The following ELOVL6 variants were observed in gnomAD, a reference collection of about 807,000 sequenced individuals.
ELOVL6 encodes the protein ELOVL fatty acid elongase 6.
In ELOVL6, 8 loss-of-function variants were observed where a neutral mutation model predicts 31.7. That is an observed-to-expected ratio of 0.25 (90% CI 0.15 to 0.45). The LOEUF (loss-of-function observed/expected upper bound fraction) is 0.45, where lower values mean the gene tolerates loss of function less well. Ranked by LOEUF, ELOVL6 falls within the 20% of genes least tolerant of loss-of-function variation. ELOVL6 has a pLI of 1.00. For synonymous variants in ELOVL6, 101 were observed against 117.7 expected, an observed-to-expected ratio of 0.86 and a Z score of 0.92; for missense variants, 126 against 326.4, an observed-to-expected ratio of 0.39 and a Z score of 4.73.
At chr4:110,081,133 G>C (rs1448022607) in intron 2 of ELOVL6, among the ~76,000 whole-genome samples, 1 of 152,104 alleles carries the variant, frequency 6.6e-6, no homozygotes, top group Non-Finnish European at 1.5e-5. Context: ...CTCATGGGTA[G>C]GAAGAATCAA....
chr4:110,092,594 CAG>C, intron 2 of ELOVL6, among the ~76,000 whole-genome samples: 1 of 152,254 alleles, frequency 6.6e-6, no homozygotes, highest in South Asian at 2.1e-4. Flanking sequence ...TGAGAACGAC[CAG>C]AGAAGAAAAG....
chr4:110,118,679 C>T (rs1050452100), intron 1 of ELOVL6, among the ~76,000 whole-genome samples: 4 of 152,156 alleles, frequency 2.6e-5, no homozygotes, highest in Admixed American at 6.5e-5. Flanking sequence ...ATGTTGGCTG[C>T]TGTGAATAAT....
At chr4:110,092,144 T>C (rs1756445225) in intron 2 of ELOVL6, among the ~76,000 whole-genome samples, 2 of 152,224 alleles carry the variant, frequency 1.3e-5, no homozygotes, top group South Asian at 4.1e-4. Context: ...CTAGTAGCTC[T>C]GGCTAACAAG....
chr4:110,145,989 G>A (rs1452223583), intron 1 of ELOVL6, among the ~76,000 whole-genome samples: 1 of 151,842 alleles, frequency 6.6e-6, no homozygotes, highest in Non-Finnish European at 1.5e-5. Flanking sequence ...CACAAAATTG[G>A]AAAAAAACTA....
At chr4:110,096,299 C>T (rs187188712) in intron 2 of ELOVL6, among the ~76,000 whole-genome samples, 2 of 152,206 alleles carry the variant, frequency 1.3e-5, no homozygotes, top group Non-Finnish European at 2.9e-5. Flanking sequence ...GTTAAAAATT[C>T]CATCTTACTT....
At chr4:110,054,193 C>T (rs1754914954) in intron 3 of ELOVL6, among the ~76,000 whole-genome samples, 1 of 152,206 alleles carries the variant, frequency 6.6e-6, no homozygotes, top group Admixed American at 6.5e-5. Flanking sequence ...GTCATCTTCT[C>T]TCTTGCAAGA....
intron 2 of ELOVL6, among the ~76,000 whole-genome samples, chr4:110,073,584 T>C (rs1334866184): frequency 6.6e-6 from 1 of 152,212 alleles, no homozygotes; most frequent in African/African-American, 2.4e-5. Flanking sequence ...ATTTTCCTAA[T>C]GGCCTCATAG....
intron 1 of ELOVL6, among the ~76,000 whole-genome samples, chr4:110,141,717 A>G (rs1027744866): frequency 1.4e-5 from 2 of 147,154 alleles, no homozygotes; most frequent in African/African-American, 5.0e-5. Flanking sequence ...ATTAGCATAT[A>G]TATACTAATT....
intron 1 of ELOVL6, among the ~76,000 whole-genome samples, chr4:110,195,001 C>A (rs973515800): frequency 1.3e-5 from 2 of 152,162 alleles, no homozygotes; most frequent in Non-Finnish European, 2.9e-5. Context: ...GAAGCTATTT[C>A]AAACCATTTT....
At chr4:110,052,321 A>AT (rs1293160884) in intron 3 of ELOVL6, among the ~76,000 whole-genome samples, 1 of 152,222 alleles carries the variant, frequency 6.6e-6, no homozygotes, top group Admixed American at 6.5e-5. Context: ...CCTCAAACAT[A>AT]TATCTTTGTG....
intron 1 of ELOVL6, among the ~76,000 whole-genome samples, chr4:110,126,516 C>T (rs531457600): frequency 6.6e-6 from 1 of 152,124 alleles, no homozygotes; most frequent in Non-Finnish European, 1.5e-5. Flanking sequence ...CAGTTTCCTC[C>T]AAACTTCTAA....
intron 2 of ELOVL6, among the ~76,000 whole-genome samples, chr4:110,064,547 T>C (rs933439220): frequency 3.3e-5 from 5 of 152,270 alleles, no homozygotes; most frequent in African/African-American, 1.2e-4. Flanking sequence ...CACAACAGCC[T>C]TGAACTCCTG....
chr4:110,168,541 A>T (rs1214559168), intron 1 of ELOVL6, among the ~76,000 whole-genome samples: 2 of 152,098 alleles, frequency 1.3e-5, no homozygotes, highest in African/African-American at 4.8e-5. Flanking sequence ...AAAAAGTCAA[A>T]TTCAATGGAT....
At chr4:110,128,837 T>C (rs918599490) in intron 1 of ELOVL6, among the ~76,000 whole-genome samples, 3 of 152,196 alleles carry the variant, frequency 2.0e-5, no homozygotes, top group African/African-American at 7.2e-5. Flanking sequence ...AAAACAGTCA[T>C]CCATATTTCC....
intron 1 of ELOVL6, among the ~76,000 whole-genome samples, chr4:110,179,588 T>G (rs909145486): frequency 6.6e-6 from 1 of 152,124 alleles, no homozygotes; most frequent in Non-Finnish European, 1.5e-5. Context: ...CATTTTCACA[T>G]GAAAAAATAC....
chr4:110,090,142 T>C (rs922848348), intron 2 of ELOVL6, among the ~76,000 whole-genome samples: 2 of 152,238 alleles, frequency 1.3e-5, no homozygotes, highest in African/African-American at 4.8e-5. Flanking sequence ...CAATGAATGA[T>C]GTCTATTGTT....
intron 3 of ELOVL6, among the ~76,000 whole-genome samples, chr4:110,056,879 G>T (rs905915409): frequency 1.3e-4 from 20 of 152,124 alleles, no homozygotes; most frequent in African/African-American, 4.8e-4. Context: ...ATGAGGCTGA[G>T]GGGAATGGAC....
At chr4:110,123,312 T>C (rs1757404253) in intron 1 of ELOVL6, among the ~76,000 whole-genome samples, 1 of 152,178 alleles carries the variant, frequency 6.6e-6, no homozygotes, top group South Asian at 2.1e-4. Context: ...GAAAGAATAC[T>C]ACAAATTAAG....
At chr4:110,151,217 ATTTT>A in intron 1 of ELOVL6, among the ~76,000 whole-genome samples, 1 of 144,970 alleles carries the variant, frequency 6.9e-6, no homozygotes, top group Admixed American at 6.9e-5. Context: ...CAGATTTCAG[ATTTT>A]TTTTTTTTTG....
Sources: allele counts gnomAD v4.1 joint callset (sites outside exome capture counted in the v4.1 genomes callset), GRCh38; gene constraint gnomAD v4.1.1; transcripts MANE v1.5; gene names NCBI Gene and HGNC (gene_info 2026-07-23, HGNC 2026-07-21).